PAQR7: variants seen among roughly 807,000 people sequenced by gnomAD.
The protein encoded by PAQR7 is membrane progestin receptor alpha.
Under a neutral mutation model 24.6 loss-of-function variants are expected in PAQR7, and 14 were observed. That is an observed-to-expected ratio of 0.57 (90% CI 0.38 to 0.89). The LOEUF (loss-of-function observed/expected upper bound fraction) is 0.89. Ranked by LOEUF, PAQR7 falls within the 40% of genes least tolerant of loss-of-function variation. The probability of loss-of-function intolerance (pLI) is 0.00; values close to 1 mark genes in which losing one functional copy is unlikely to be tolerated. For missense variants in PAQR7, 351 were observed against 444.0 expected (o/e 0.79, Z 1.88); for synonymous variants, 189 against 198.8 (o/e 0.95, Z 0.42).
chr1:25,863,395 A>G lies in PAQR7; in HGVS notation c.445T>C (p.Tyr149His). ...FFLDYVGVAVYQFGSALAHFY... is the reference protein window; with the variant it reads ...FFLDYVGVAVHQFGSALAHFY... The stretch of plus-strand genomic sequence containing the variant: ...TGTGCCAAGGCACTGCCAAACTGGT[A>G]CACGGCCACCCCCACATAGTCCAGG... The change falls in exon 3 of 3, where the codon TAC becomes CAC. Residue 149 changes from tyrosine to histidine, a missense_variant. By Grantham distance (83) the Tyr-to-His change is moderately conservative. Coordinates refer to ENST00000675840, the MANE Select transcript of PAQR7 (RefSeq NM_178422.6). This position sits in a 1 kb window ranked among gnomAD's most constrained non-coding sequence, Gnocchi z 6.1. 6.2e-7 allele frequency: 1 copy of G among 1,614,258 alleles called. No individual in the cohort carries two copies. Among genetic ancestry groups the G allele is most frequent in the Non-Finnish European group, 8.5e-7 (1 of 1,180,036 alleles).
chr1:25,872,328 G>C (rs953224467), intron 1 of PAQR7, among the ~76,000 whole-genome samples: 5 of 152,092 alleles, frequency 3.3e-5, no homozygotes, highest in Admixed American at 2.0e-4. Flanking sequence ...AAATGTCAAA[G>C]GAGAGAGTAA....
chr1:25,866,767 C>T (rs559408425), intron 2 of PAQR7, among the ~76,000 whole-genome samples: 1 of 152,272 alleles, frequency 6.6e-6, no homozygotes, highest in African/African-American at 2.4e-5. Flanking sequence ...GAGTCTTGCT[C>T]TGTCACCCAG....
intron 2 of PAQR7, among the ~76,000 whole-genome samples, chr1:25,865,159 AAC>A (rs1184937925): frequency 2.7e-4 from 13 of 48,842 alleles, no homozygotes; most frequent in African/African-American, 1.5e-3. Context: ...AAAAAAAAAA[AAC>A]CACAAACAAA....
At chr1:25,866,881 C>T (rs976329177) in intron 2 of PAQR7, among the ~76,000 whole-genome samples, 2 of 152,036 alleles carry the variant, frequency 1.3e-5, no homozygotes, top group Non-Finnish European at 2.9e-5. Flanking sequence ...TACAGGTGCC[C>T]GCCACCACGC....
chr1:25,869,418 A>C (rs996790024), intron 2 of PAQR7, among the ~76,000 whole-genome samples: 4 of 152,044 alleles, frequency 2.6e-5, no homozygotes, highest in Non-Finnish European at 5.9e-5. Context: ...CTAAAAATAC[A>C]AAAATTAGCC....
At chr1:25,873,455 G>C (rs528013505) in intron 1 of PAQR7, among the ~76,000 whole-genome samples, 1 of 151,740 alleles carries the variant, frequency 6.6e-6, no homozygotes, top group Non-Finnish European at 1.5e-5. Flanking sequence ...TTGGTCCAAA[G>C]TGTTTAAAGA....
At chr1:25,867,009 GC>G (rs2048562637) in intron 2 of PAQR7, among the ~76,000 whole-genome samples, 1 of 150,870 alleles carries the variant, frequency 6.6e-6, no homozygotes, top group Non-Finnish European at 1.5e-5. Context: ...GGGATTACAG[GC>G]GTGAGCCACG....
chr1:25,865,856 C>T (rs1466573922), intron 2 of PAQR7, among the ~76,000 whole-genome samples: 3 of 151,212 alleles, frequency 2.0e-5, no homozygotes, highest in Non-Finnish European at 4.4e-5. Context: ...TGTGGTGGCA[C>T]CTGCCTATAA....
intron 1 of PAQR7, among the ~76,000 whole-genome samples, chr1:25,872,854 C>G (rs543586498): frequency 7.9e-5 from 12 of 152,272 alleles, no homozygotes; most frequent in African/African-American, 2.6e-4. Flanking sequence ...GAGCTTACAG[C>G]TCAGCTAAAT....
intron 2 of PAQR7, among the ~76,000 whole-genome samples, chr1:25,864,181 C>A (rs1166004153): frequency 6.6e-6 from 1 of 152,174 alleles, no homozygotes; most frequent in Non-Finnish European, 1.5e-5. Flanking sequence ...CACAGCAGCA[C>A]CAGCTGTTTT....
rs2048517583 is a variant in PAQR7, at chr1:25,862,269, G to C, written c.*530C>G. 1 of 155,504 alleles carries C rather than the reference G, an allele frequency of 6.4e-6. No homozygotes were observed. Among genetic ancestry groups the C allele is most frequent in the South Asian group, 2.0e-4 (1 of 5,054 alleles). The allele number at this position is 155,504 out of a possible 1,614,324, so 9.6% of individuals were successfully genotyped here. On this transcript the variant is annotated 3_prime_UTR_variant, in exon 3 of 3. Coordinates refer to ENST00000675840, the MANE Select transcript of PAQR7 (RefSeq NM_178422.6). Reference sequence around the variant, plus strand: ...CACTGGATGGGACCCATTTGTATCTGGCACAATCTACTACCTTTGGGGTCT... The same window carrying C: ...CACTGGATGGGACCCATTTGTATCTCGCACAATCTACTACCTTTGGGGTCT...
intron 2 of PAQR7, among the ~76,000 whole-genome samples, chr1:25,865,941 G>A (rs1373640555): frequency 2.7e-5 from 4 of 148,022 alleles, no homozygotes; most frequent in South Asian, 2.1e-4. Flanking sequence ...AGCCGAGATC[G>A]CACCATTGCA....
intron 1 of PAQR7, among the ~76,000 whole-genome samples, chr1:25,874,691 G>A (rs141641249): frequency 3.0e-4 from 45 of 152,314 alleles, no homozygotes; most frequent in Non-Finnish European, 4.7e-4. Context: ...CAGACTCCGA[G>A]GCCTTGGCTT....
rs141212470 is a variant in PAQR7 at position 25,862,858 on chromosome 1, G to T, written c.982C>A (p.Leu328Ile). ...AGCTGGCTCAGGAGGAATGCAGTGA[G>T]GATGCTGCTGCCCACCGTGAGCAGG... ...LFLLTVGSSI[L>I]TAFLLSQLVQ... Residue 328 changes from leucine (L) to isoleucine (I), a missense_variant, in exon 3 of 3, where the codon CTC becomes ATC. By Grantham distance (5) the Leu-to-Ile change is conservative. Coordinates refer to ENST00000675840, the MANE Select transcript of PAQR7 (RefSeq NM_178422.6). 1,255 of 1,614,184 alleles carry T rather than the reference G, an allele frequency of 7.8e-4. 20 individuals carry two copies. The East Asian group carries it at 0.027, about 35-fold the overall frequency.
In PAQR7 at chr1:25,863,254, G is replaced by A. The variant is rs934047946; in HGVS notation, c.586C>T (p.Gln196Ter). 1 of 1,614,244 alleles carries A rather than the reference G, an allele frequency of 6.2e-7. No homozygotes were observed. Among genetic ancestry groups the A allele is most frequent in the African/African-American group, 1.3e-5 (1 of 75,074 alleles). ...CIGSCYNKYI[Q>*]KPGLLGRTCQ... is the part of the protein sequence containing the mutation. ...GTGCGGCCCAGCAGGCCTGGTTTCT[G>A]GATGTACTTGTTATAGCAGGAGCCA... The change falls in exon 3 of 3, where the codon CAG becomes TAG. Residue 196 changes from glutamine (Q) to a stop codon, truncating the protein, a stop_gained. Coordinates refer to ENST00000675840, the MANE Select transcript of PAQR7 (RefSeq NM_178422.6). LOFTEE classifies it high-confidence loss of function. This position sits in a 1 kb window ranked among gnomAD's most constrained non-coding sequence, Gnocchi z 6.1.
chr1:25,871,435 G>A, intron 1 of PAQR7, among the ~76,000 whole-genome samples: 1 of 152,148 alleles, frequency 6.6e-6, no homozygotes, highest in Non-Finnish European at 1.5e-5. Flanking sequence ...GACATGTCTT[G>A]CAGAAGGTTT....
In PAQR7 at chr1:25,871,955, G is replaced by A. The variant is rs150797052; in HGVS notation, c.-108-1261C>T. 2.4e-3 allele frequency among the ~76,000 whole-genome samples: 365 copies of A among 152,354 alleles called. 1 individual carries two copies. Among genetic ancestry groups the A allele is most frequent in the African/African-American group, 7.6e-3 (315 of 41,584 alleles). Reference sequence around the variant, plus strand: ...CAGGTAGTGAGCCTGGAGAACTGGAGAAGACTGCTGCCCTGGTGGTGGACA... The same window carrying A: ...CAGGTAGTGAGCCTGGAGAACTGGAAAAGACTGCTGCCCTGGTGGTGGACA... On this transcript the variant is annotated intron_variant, in intron 1 of 2. Coordinates refer to ENST00000675840, the MANE Select transcript of PAQR7 (RefSeq NM_178422.6).
chr1:25,861,664 C>T lies in PAQR7; in HGVS notation c.*1135G>A, dbSNP rs2048511368. 1 of 152,386 alleles carries T rather than the reference C, an allele frequency of 6.6e-6. No individual in the cohort carries two copies. The highest frequency in any genetic ancestry group is 1.5e-5 in the Non-Finnish European group (1 of 68,210). The allele number at this position is 152,386 out of a possible 1,614,324, so 9.4% of individuals were successfully genotyped here. On this transcript the variant is annotated 3_prime_UTR_variant, in exon 3 of 3. Transcript: ENST00000675840. ...CCCCAACCTAAGACCCTGAGGGTCC[C>T]AGGCAGCACAGGTTAATCCCTCTCC...
chr1:25,865,044 T>C (rs931844698), intron 2 of PAQR7, among the ~76,000 whole-genome samples: 1 of 150,896 alleles, frequency 6.6e-6, no homozygotes, highest in African/African-American at 2.4e-5. Flanking sequence ...TAGTCCCAGC[T>C]GCTCGGGAGG....
Sources: allele counts gnomAD v4.1 joint callset (sites outside exome capture counted in the v4.1 genomes callset), GRCh38; gene constraint gnomAD v4.1.1; non-coding constraint Gnocchi (gnomAD v3.1); transcripts MANE v1.5; gene names NCBI Gene and HGNC (gene_info 2026-07-23, HGNC 2026-07-21).